The following TGFBR3 variants were observed in gnomAD, a reference collection of about 807,000 sequenced individuals.
TGFBR3 encodes the protein transforming growth factor beta receptor type 3.
Under a neutral mutation model 87.9 loss-of-function variants are expected in TGFBR3, and 46 were observed. The ratio of observed to expected loss-of-function variants is 0.52; its 90% confidence interval spans 0.41 to 0.67. The LOEUF (loss-of-function observed/expected upper bound fraction) is 0.67. TGFBR3 is among the 30% of genes least tolerant of loss of function. The pLI is 0.00. For synonymous variants in TGFBR3, 381 were observed against 391.6 expected (o/e 0.97, Z 0.32); for missense variants, 866 against 1,041.9 (o/e 0.83, Z 2.32).
intron 2 of TGFBR3, among the ~76,000 whole-genome samples, chr1:91,860,566 G>A (rs776179278): frequency 6.6e-6 from 1 of 152,072 alleles, no homozygotes; most frequent in Non-Finnish European, 1.5e-5. Flanking sequence ...TGGGAGATCC[G>A]ATACTCTTAG....
At chr1:91,833,307 A>AAC (rs1553171133) in intron 2 of TGFBR3, among the ~76,000 whole-genome samples, 1 of 146,264 alleles carries the variant, frequency 6.8e-6, no homozygotes, top group Non-Finnish European at 1.5e-5. Flanking sequence ...AAAAAAAAAA[A>AAC]AAAAAAAAAC....
rs756235970 is a variant in TGFBR3, at chr1:91,758,605, G to A, written c.384+8C>T. Reference sequence around the variant, plus strand: ...AAGGATCAGTTTGGGGGAGGTTTAAGCACTTACCAAAAACAGTCTGGAGAC... The same window carrying A: ...AAGGATCAGTTTGGGGGAGGTTTAAACACTTACCAAAAACAGTCTGGAGAC... On this transcript the variant is annotated splice_region_variant and intron_variant, in intron 4 of 16. Transcript: ENST00000212355. 6.2e-7 allele frequency: 1 copy of A among 1,613,892 alleles called. No homozygotes were observed. The highest frequency in any genetic ancestry group is 1.3e-5 in the African/African-American group (1 of 75,002).
intron 3 of TGFBR3, among the ~76,000 whole-genome samples, chr1:91,760,852 A>G (rs1428210408): frequency 6.6e-6 from 1 of 152,252 alleles, no homozygotes; most frequent in East Asian, 1.9e-4. Context: ...TAGAAATAGC[A>G]GAAGCAAAGA....
intron 3 of TGFBR3, among the ~76,000 whole-genome samples, chr1:91,790,061 GGA>G (rs1675131295): frequency 6.6e-6 from 1 of 152,194 alleles, no homozygotes; most frequent in Non-Finnish European, 1.5e-5. Context: ...AGGGAAGAAA[GGA>G]GAGAGGAAAT....
intron 2 of TGFBR3, among the ~76,000 whole-genome samples, chr1:91,845,979 TTG>T (rs781697577): frequency 6.6e-6 from 1 of 152,242 alleles, no homozygotes; most frequent in Non-Finnish European, 1.5e-5. Flanking sequence ...AGTTAAACAA[TTG>T]TGTTTCTCTC....
intron 1 of TGFBR3, among the ~76,000 whole-genome samples, chr1:91,864,536 C>G (rs1351800340): frequency 6.6e-6 from 1 of 152,178 alleles, no homozygotes; most frequent in African/African-American, 2.4e-5. Flanking sequence ...AAAAGTCTCT[C>G]CATAATGTAA....
intron 2 of TGFBR3, among the ~76,000 whole-genome samples, chr1:91,840,595 C>A (rs552704171): frequency 6.6e-6 from 1 of 151,662 alleles, no homozygotes; most frequent in Non-Finnish European, 1.5e-5. Context: ...TGGTTTACTG[C>A]CAAATAAGAC....
At chr1:91,710,915 T>C (rs1275176352) in intron 13 of TGFBR3, among the ~76,000 whole-genome samples, 6 of 152,178 alleles carry the variant, frequency 3.9e-5, no homozygotes, top group Non-Finnish European at 8.8e-5. Flanking sequence ...CCCTGAGGCT[T>C]AGAACTCTCT....
intron 1 of TGFBR3, among the ~76,000 whole-genome samples, 167 bp downstream of exon 1, chr1:91,885,711 C>G (rs894941875): frequency 6.6e-6 from 1 of 152,194 alleles, no homozygotes; most frequent in African/African-American, 2.4e-5. Context: ...GGGTAAACAC[C>G]GCCCCACCAG....
At chr1:91,741,725 A>G (rs1261918436) in intron 4 of TGFBR3, among the ~76,000 whole-genome samples, 2 of 151,990 alleles carry the variant, frequency 1.3e-5, no homozygotes, top group Non-Finnish European at 2.9e-5. Context: ...AGAGGAGGAG[A>G]CTATTTATTC....
intron 13 of TGFBR3, among the ~76,000 whole-genome samples, chr1:91,709,396 A>C (rs1671902947): frequency 6.6e-6 from 1 of 152,260 alleles, no homozygotes; most frequent in African/African-American, 2.4e-5. Flanking sequence ...TAGCTCACAT[A>C]ATTTATTGAA....
At chr1:91,720,502 A>G (rs1177942175) in intron 8 of TGFBR3, among the ~76,000 whole-genome samples, 1 of 152,248 alleles carries the variant, frequency 6.6e-6, no homozygotes, top group East Asian at 1.9e-4. Flanking sequence ...GGAAATGATC[A>G]GTGGTTCTTA....
chr1:91,721,280 T>C (rs1311460224), intron 8 of TGFBR3, among the ~76,000 whole-genome samples: 2 of 152,356 alleles, frequency 1.3e-5, no homozygotes, highest in African/African-American at 2.4e-5. Flanking sequence ...CCTATTATTT[T>C]CCCCTTATTA....
Position 91,882,211 on chromosome 1 carries a change from A to T in TGFBR3, c.-114+3667T>A, listed in dbSNP as rs1305387069. 3.5e-5 allele frequency among the ~76,000 whole-genome samples: 5 copies of T among 143,666 alleles called. No individual in the cohort carries two copies. The East Asian group carries it at 1.1e-3, about 31-fold the overall frequency. 94.3% of individuals were successfully genotyped at this position (143,666 alleles called of 152,430 possible). ...GCGTGCAGTGGCACGATCTCAGCTC[A>T]CTGAAACCTCCACCTCCTGGGCTCA... On this transcript the variant is annotated intron_variant, in intron 1 of 16. Coordinates refer to ENST00000212355, the MANE Select transcript of TGFBR3 (RefSeq NM_003243.5).
chr1:91,690,381 A>G (rs2100700782), intron 16 of TGFBR3, among the ~76,000 whole-genome samples: 1 of 152,256 alleles, frequency 6.6e-6, no homozygotes, highest in Middle Eastern at 3.4e-3. Context: ...TGAGGGCAAG[A>G]GTACCACATT....
intron 6 of TGFBR3, among the ~76,000 whole-genome samples, chr1:91,729,294 A>G (rs1193948197): frequency 1.0e-5 from 1 of 95,366 alleles, no homozygotes; most frequent in Non-Finnish European, 2.7e-5. Flanking sequence ...ATACACACAC[A>G]CACACACACA....
chr1:91,738,426 C>T (rs527536768), intron 4 of TGFBR3, among the ~76,000 whole-genome samples: 1 of 152,290 alleles, frequency 6.6e-6, no homozygotes, highest in East Asian at 1.9e-4. Flanking sequence ...CCATGAATGG[C>T]TTAGGCCATC....
chr1:91,721,814 A>T, intron 8 of TGFBR3, 141 bp downstream of exon 8: 1 of 757,472 alleles, frequency 1.3e-6, no homozygotes, highest in Non-Finnish European at 2.1e-6. Flanking sequence ...AGGTAATTTT[A>T]AGCCTTCTGA....
upstream of TGFBR3, among the ~76,000 whole-genome samples, chr1:91,889,716 C>G (rs923368454): frequency 1.4e-4 from 21 of 152,078 alleles, no homozygotes; most frequent in African/African-American, 5.1e-4. Flanking sequence ...CTCTTGTTGC[C>G]CAGACTAGAG....
Sources: gnomAD v4.1 joint callset for allele counts (sites outside exome capture counted in the v4.1 genomes callset) on GRCh38, gnomAD v4.1.1 for gene constraint, MANE v1.5 for transcripts, NCBI Gene and HGNC (gene_info 2026-07-23, HGNC 2026-07-21) for gene names.